USP7: variants seen among roughly 807,000 people sequenced by gnomAD.
USP7 encodes the protein ubiquitin C-terminal hydrolase 7.
Under a neutral mutation model 162.9 loss-of-function variants are expected in USP7, and 9 were observed. The ratio of observed to expected loss-of-function variants is 0.06; its 90% CI spans 0.03 to 0.10. The LOEUF is 0.10. Among genes scored for constraint, USP7 ranks in the 10% least tolerant of loss-of-function variants. The probability of loss-of-function intolerance (pLI) is 1.00; values close to 1 mark genes in which losing one functional copy is unlikely to be tolerated. For synonymous variants in USP7, 562 were observed against 475.9 expected, an observed-to-expected ratio of 1.18 and a Z score of -2.35; for missense variants, 715 against 1,373.7, an observed-to-expected ratio of 0.52 and a Z score of 7.58.
intron 1 of USP7, among the ~76,000 whole-genome samples, chr16:8,959,967 CAGA>C (rs1026612082): frequency 6.6e-6 from 1 of 152,164 alleles, no homozygotes; most frequent in African/African-American, 2.4e-5. Flanking sequence ...CTCACTTGGG[CAGA>C]AGAACCACAC....
At chr16:8,905,035 G>A (rs558497473) in intron 14 of USP7, 152 bp downstream of exon 14, 45 of 849,338 alleles carry the variant, frequency 5.3e-5, no homozygotes, top group East Asian at 4.7e-4. Flanking sequence ...GCATCGAAAC[G>A]CGCAAGCCCA....
chr16:8,902,556 T>C lies in USP7; in HGVS notation c.1840-74A>G, dbSNP rs2061792135. 6 of 1,159,690 alleles carry C rather than the reference T, an allele frequency of 5.2e-6. No individual in the cohort carries two copies. In the South Asian group the frequency reaches 5.4e-5, roughly 11 times the overall value. 71.8% of individuals were successfully genotyped at this position (1,159,690 alleles called of 1,614,324 possible). On this transcript the variant is annotated intron_variant, in intron 16 of 30. Coordinates refer to ENST00000344836, the MANE Select transcript of USP7 (RefSeq NM_003470.3). ...TAGTCCTCTATATTACACACACATA[T>C]GTATATACATATACATATATATATA...
intron 21 of USP7, 26 bp downstream of exon 21, chr16:8,900,504 G>T: frequency 6.6e-7 from 1 of 1,517,466 alleles, no homozygotes; most frequent in Non-Finnish European, 9.0e-7. Context: ...AGTACAAAGT[G>T]ATACAATCCT....
chr16:8,906,604 G>T (rs776115153), intron 12 of USP7, 22 bp from the exon 13 acceptor site: 2 of 1,604,652 alleles, frequency 1.2e-6, no homozygotes. Context: ...CATTTTAAAA[G>T]AAATTCAGTA....
intron 1 of USP7, among the ~76,000 whole-genome samples, chr16:8,932,837 T>A (rs989999006): frequency 1.3e-5 from 2 of 152,052 alleles, no homozygotes; most frequent in Admixed American, 1.3e-4. Flanking sequence ...AGATGAAAAA[T>A]TTTTAAGAAG....
chr16:8,898,907 TA>T (rs2061730590), intron 23 of USP7, among the ~76,000 whole-genome samples: 1 of 152,222 alleles, frequency 6.6e-6, no homozygotes, highest in Admixed American at 6.5e-5. Context: ...AGGATGTATC[TA>T]AAGTCAGTCT....
intron 2 of USP7, among the ~76,000 whole-genome samples, chr16:8,928,986 G>A (rs1898168313): frequency 6.7e-6 from 1 of 149,902 alleles, no homozygotes; most frequent in Middle Eastern, 3.4e-3. Context: ...TATCCAAGTT[G>A]CCATGAGAAG....
chr16:8,953,034 A>AC (rs1899629128), intron 1 of USP7, among the ~76,000 whole-genome samples: 1 of 151,928 alleles, frequency 6.6e-6, no homozygotes, highest in Non-Finnish European at 1.5e-5. Flanking sequence ...ACGGGGTTTC[A>AC]CCATGTTGGT....
intron 6 of USP7, among the ~76,000 whole-genome samples, chr16:8,918,561 G>C (rs961538008): frequency 1.3e-5 from 2 of 152,172 alleles, no homozygotes; most frequent in South Asian, 4.1e-4. Flanking sequence ...TATAATCTGA[G>C]CCCCTTGGGA....
chr16:8,922,855 C>A (rs952426634), intron 3 of USP7, among the ~76,000 whole-genome samples: 6 of 152,104 alleles, frequency 3.9e-5, no homozygotes, highest in Non-Finnish European at 2.9e-5. Flanking sequence ...CTGAACAACC[C>A]GTACAAATTA....
At chr16:8,910,962 T>C in intron 10 of USP7, 135 bp from the exon 11 acceptor site, 1 of 719,578 alleles carries the variant, frequency 1.4e-6, no homozygotes, top group Non-Finnish European at 2.4e-6. Flanking sequence ...ACTCTCCCCC[T>C]GTAGCCAAGA....
At chr16:8,899,404 G>T (rs1390326408) in intron 22 of USP7, 200 bp downstream of exon 22, 11 of 789,916 alleles carry the variant, frequency 1.4e-5, no homozygotes, top group Non-Finnish European at 1.8e-5. Context: ...ACTTTTAATG[G>T]TGAGGTCTAC....
intron 1 of USP7, among the ~76,000 whole-genome samples, chr16:8,931,225 G>A (rs1444826975): frequency 6.8e-6 from 1 of 146,024 alleles, no homozygotes; most frequent in African/African-American, 2.5e-5. Context: ...GTCTCGCTCT[G>A]TCCCCCAGCC....
chr16:8,906,088 G>C (rs2141181801), intron 13 of USP7, among the ~76,000 whole-genome samples: 1 of 152,320 alleles, frequency 6.6e-6, no homozygotes. Context: ...GGCACGCAGA[G>C]GGACATGCGA....
intron 2 of USP7, chr16:8,929,588 T>G (rs1009939080): frequency 8.8e-6 from 4 of 455,968 alleles, no homozygotes; most frequent in Admixed American, 7.0e-5. Flanking sequence ...ACATGCTTTT[T>G]GACAGAACAT....
chr16:8,916,691 TG>T lies in USP7; in HGVS notation c.852-136del, dbSNP rs1269065949. On this transcript the variant is annotated intron_variant, in intron 7 of 30. Coordinates refer to ENST00000344836, the MANE Select transcript of USP7 (RefSeq NM_003470.3). ...ATTCCTTTTCTGTGAAGATTATTTTTGGGAGTCATAATTCAAAGATAGATTT... is the reference window on the plus strand; with the variant it reads ...ATTCCTTTTCTGTGAAGATTATTTTTGGAGTCATAATTCAAAGATAGATTT... 1.1e-5 allele frequency: 10 copies of T among 937,610 alleles called. No individual in the cohort carries two copies. The African/African-American group carries it at 1.7e-4, about 16-fold the overall frequency. 58.1% of individuals were successfully genotyped at this position (937,610 alleles called of 1,614,324 possible).
At chr16:8,946,058 C>T (rs1481000671) in intron 1 of USP7, among the ~76,000 whole-genome samples, 1 of 152,120 alleles carries the variant, frequency 6.6e-6, no homozygotes, top group Non-Finnish European at 1.5e-5. Context: ...AAAAGCAATT[C>T]AACGGACAAA....
At chr16:8,898,264 T>C (rs1473740600) in intron 25 of USP7, 96 bp downstream of exon 25, 24 of 1,062,490 alleles carry the variant, frequency 2.3e-5, no homozygotes, top group Non-Finnish European at 3.3e-5. Flanking sequence ...TTAGAGTGTT[T>C]TTCTGTGGTG....
intron 1 of USP7, among the ~76,000 whole-genome samples, chr16:8,936,085 G>C (rs965376099): frequency 1.3e-5 from 2 of 152,158 alleles, no homozygotes; most frequent in African/African-American, 4.8e-5. Flanking sequence ...TACAACCCTG[G>C]TGTGTTGAAA....
Sources: gnomAD v4.1 joint callset for allele counts (sites outside exome capture counted in the v4.1 genomes callset) on GRCh38, gnomAD v4.1.1 for gene constraint, MANE v1.5 for transcripts, NCBI Gene and HGNC (gene_info 2026-07-23, HGNC 2026-07-21) for gene names.